The following ZNF382 variants were observed in gnomAD, a reference collection of about 807,000 sequenced individuals.
ZNF382 encodes zinc finger protein 382, also known as KRAB/zinc finger suppressor protein 1.
In ZNF382, 20 loss-of-function variants were observed where a neutral mutation model predicts 38.8. The observed-to-expected ratio is 0.51, with a 90% CI of 0.36 to 0.75. ZNF382 has a LOEUF of 0.75. Ranked by LOEUF, ZNF382 falls within the 30% of genes least tolerant of loss-of-function variation. ZNF382 has a pLI of 0.00. For synonymous variants in ZNF382, 202 were observed against 223.1 expected (o/e 0.91, Z 0.84); for missense variants, 546 against 654.1 (o/e 0.83, Z 1.80).
chr19:36,612,471 G>A, intron 4 of ZNF382, among the ~76,000 whole-genome samples: 1 of 152,192 alleles, frequency 6.6e-6, no homozygotes, highest in East Asian at 1.9e-4. Context: ...TAAACACGTA[G>A]CAGCGATATC....
chr19:36,624,825 C>T (rs1881288624), intron 4 of ZNF382, among the ~76,000 whole-genome samples: 1 of 151,520 alleles, frequency 6.6e-6, no homozygotes, highest in South Asian at 2.1e-4. Flanking sequence ...TGCCTATAAT[C>T]CCAGAACTTT....
chr19:36,611,030 G>A (rs1305981220), intron 4 of ZNF382, among the ~76,000 whole-genome samples: 6 of 152,234 alleles, frequency 3.9e-5, no homozygotes, highest in South Asian at 2.1e-4. Flanking sequence ...TGTAATCCCA[G>A]CACTTTGGGA....
intron 4 of ZNF382, among the ~76,000 whole-genome samples, chr19:36,620,772 T>A (rs1220272746): frequency 6.6e-6 from 1 of 152,074 alleles, no homozygotes; most frequent in African/African-American, 2.4e-5. Flanking sequence ...TTTTTTTTTT[T>A]AATTGAGATG....
At chr19:36,623,470 A>G (rs957749672) in intron 4 of ZNF382, among the ~76,000 whole-genome samples, 9 of 152,094 alleles carry the variant, frequency 5.9e-5, no homozygotes, top group African/African-American at 2.2e-4. Context: ...TTTCAGACAG[A>G]CGGGATACTG....
chr19:36,627,856 GTT>G lies in ZNF382; in HGVS notation c.*307_*308del, dbSNP rs1334273434. 7.9e-5 allele frequency: 21 copies of G among 265,592 alleles called. No homozygotes were observed. In the East Asian group the frequency reaches 1.6e-3, roughly 20 times the overall value. The allele number at this position is 265,592 out of a possible 1,614,324, so 16.5% of individuals were successfully genotyped here. On this transcript the variant is annotated 3_prime_UTR_variant, in exon 5 of 5. Coordinates refer to ENST00000292928, the MANE Select transcript of ZNF382 (RefSeq NM_032825.5). ...TTTCCATTTCCATACATATCTTTTTGTTCATCAGTAATAACTAGTTGGCCAAC... is the reference window on the plus strand; with the variant it reads ...TTTCCATTTCCATACATATCTTTTTGCATCAGTAATAACTAGTTGGCCAAC...
intron 4 of ZNF382, among the ~76,000 whole-genome samples, chr19:36,614,375 G>C (rs1417092740): frequency 6.6e-6 from 1 of 152,000 alleles, no homozygotes. Flanking sequence ...ACAACTTTTA[G>C]CTATTCTATG....
chr19:36,626,509 G>A lies in ZNF382; in HGVS notation c.612G>A (p.Lys204=), dbSNP rs2037214606. Residue 204 remains lysine, a synonymous_variant, in exon 5 of 5, where the codon AAG becomes AAA. Coordinates refer to ENST00000292928, the MANE Select transcript of ZNF382 (RefSeq NM_032825.5). The stretch of plus-strand genomic sequence containing the variant: ...AACAGGAGCTTATTCAGCATCAGAA[G>A]GTTCAAGCTCCAGAGCAACCATTTG... ...SGKQELIQHQ[K]VQAPEQPFDH... is the part of the protein sequence containing the mutation. 1.9e-6 allele frequency: 3 copies of A among 1,606,696 alleles called. No homozygotes were observed. Among genetic ancestry groups the A allele is most frequent in the Non-Finnish European group, 1.7e-6 (2 of 1,177,730 alleles).
chr19:36,615,648 A>G (rs2037120448), intron 4 of ZNF382, among the ~76,000 whole-genome samples: 1 of 152,222 alleles, frequency 6.6e-6, no homozygotes, highest in Non-Finnish European at 1.5e-5. Context: ...AGCACATACA[A>G]GTAAAAGGCA....
chr19:36,626,927 A>C lies in ZNF382; in HGVS notation c.1030A>C (p.Lys344Gln). 1 of 1,614,182 alleles carries C rather than the reference A, an allele frequency of 6.2e-7. No individual in the cohort carries two copies. Among genetic ancestry groups the C allele is most frequent in the South Asian group, 1.1e-5 (1 of 91,092 alleles). ...RQKTALTLHE[K>Q]THIEGKPFIC... Reference sequence around the variant, plus strand: ...GAAGACAGCCCTCACCCTTCATGAGAAAACACATATAGAGGGGAAACCCTT... The same window carrying C: ...GAAGACAGCCCTCACCCTTCATGAGCAAACACATATAGAGGGGAAACCCTT... Residue 344 changes from lysine (K) to glutamine (Q), a missense_variant, in exon 5 of 5, where the codon AAA (lysine) becomes CAA (glutamine). Coordinates refer to ENST00000292928, the MANE Select transcript of ZNF382 (RefSeq NM_032825.5).
intron 4 of ZNF382, among the ~76,000 whole-genome samples, chr19:36,613,106 A>C (rs1487610022): frequency 3.9e-5 from 6 of 151,968 alleles, no homozygotes; most frequent in Non-Finnish European, 8.8e-5. Context: ...CAAATGTTTT[A>C]TCCATCTTTT....
At chr19:36,607,433 C>T in intron 1 of ZNF382, 119 bp from the exon 2 acceptor site, 2 of 644,242 alleles carry the variant, frequency 3.1e-6, no homozygotes, top group Non-Finnish European at 2.7e-6. Context: ...CTGAAGGGTA[C>T]ACAGGGTGGA....
chr19:36,631,652 C>T lies in ZNF382; in HGVS notation c.*4102C>T, dbSNP rs561771521. ...CCACCCGCCTCGGCCTCTCAAAGTG[C>T]TGGGATTACAGGTGTGAGCCACCAT... On this transcript the variant is annotated 3_prime_UTR_variant, in exon 5 of 5. Transcript: ENST00000292928. The T allele has an allele frequency of 6.6e-6, 1 of 152,296 alleles. No individual in the cohort carries two copies. Among genetic ancestry groups the T allele is most frequent in the East Asian group, 1.9e-4 (1 of 5,156 alleles). The allele number at this position is 152,296 out of a possible 1,614,324, so 9.4% of individuals were successfully genotyped here.
rs75692593 is a variant in ZNF382 at position 36,618,139 on chromosome 19, TA to T, written c.232+7402del. Among the ~76,000 whole-genome samples the T allele has an allele frequency of 5.5e-3, 837 of 152,312 alleles. 23 individuals carry two copies. Among genetic ancestry groups the T allele is most frequent in the Admixed American group, 0.037 (567 of 15,294 alleles). On this transcript the variant is annotated intron_variant, in intron 4 of 4. Coordinates refer to ENST00000292928, the MANE Select transcript of ZNF382 (RefSeq NM_032825.5). ...TCTGCTTTAAAATTTTCAGTGCATT[TA>T]AAAATACCAGAAAGGGACTGCCCCA...
chr19:36,626,048 TCC>T, intron 4 of ZNF382, 80 bp from the exon 5 acceptor site: 1 of 979,822 alleles, frequency 1.0e-6, no homozygotes, highest in South Asian at 3.0e-5. Flanking sequence ...AGTGAGATAG[TCC>T]CACCATAGTT....
At chr19:36,619,977 C>T (rs1405221500) in intron 4 of ZNF382, among the ~76,000 whole-genome samples, 2 of 152,106 alleles carry the variant, frequency 1.3e-5, no homozygotes, top group East Asian at 1.9e-4. Context: ...GAGATCTGCC[C>T]GCCCCGGCCT....
Position 36,609,846 on chromosome 19 carries a change from C to G in ZNF382, c.-13-56C>G, listed in dbSNP as rs1171787872. 8.2e-6 allele frequency: 12 copies of G among 1,471,716 alleles called. No homozygotes were observed. The Admixed American group carries it at 2.0e-4, about 24-fold the overall frequency. 91.2% of individuals were successfully genotyped at this position (1,471,716 alleles called of 1,614,324 possible). A position where few individuals can be genotyped will look rare whatever the true frequency, so the allele number is the denominator to read the frequency against. On this transcript the variant is annotated intron_variant, in intron 2 of 4. Coordinates refer to ENST00000292928, the MANE Select transcript of ZNF382 (RefSeq NM_032825.5). ...TAAGGAAACTAGTCTGACCAGTAAA[C>G]ATTGTCAGTACTAGGTCTCCAATAT...
Position 36,632,001 on chromosome 19 carries a change from AAGG to A in ZNF382, c.*4453_*4455del, listed in dbSNP as rs1328640891. 6.6e-6 allele frequency: 1 copy of A among 152,278 alleles called. No individual in the cohort carries two copies. The highest frequency in any genetic ancestry group is 1.5e-5 in the Non-Finnish European group (1 of 68,112). 9.4% of individuals were successfully genotyped at this position (152,278 alleles called of 1,614,324 possible). A position where few individuals can be genotyped will look rare whatever the true frequency, so the allele number is the denominator to read the frequency against. ...CAGGAAATGTTTTTACTTAGAAGCAAAGGATGTGGCTCAGCAAAAGAAAGGGAA... is the reference window on the plus strand; with the variant it reads ...CAGGAAATGTTTTTACTTAGAAGCAAATGTGGCTCAGCAAAAGAAAGGGAA... On this transcript the variant is annotated 3_prime_UTR_variant, in exon 5 of 5. Coordinates refer to ENST00000292928, the MANE Select transcript of ZNF382 (RefSeq NM_032825.5).
rs1259075022 is a variant in ZNF382 at position 36,630,948 on chromosome 19, C to G, written c.*3398C>G. The G allele has an allele frequency of 6.6e-6, 1 of 151,906 alleles. No individual in the cohort carries two copies. The highest frequency in any genetic ancestry group is 6.6e-5 in the Admixed American group (1 of 15,232). 9.4% of individuals were successfully genotyped at this position (151,906 alleles called of 1,614,324 possible). On this transcript the variant is annotated 3_prime_UTR_variant, in exon 5 of 5. Transcript: ENST00000292928. ...TACAGGCAGGCGCCATTCCTCTCAG[C>G]TAATGTTTTTATTTTTTATACATAT...
intron 4 of ZNF382, among the ~76,000 whole-genome samples, chr19:36,620,795 A>G (rs900035141): frequency 2.8e-4 from 42 of 150,426 alleles, no homozygotes; most frequent in Admixed American, 6.0e-4. Context: ...GTCTCACTCT[A>G]TTGCTCAGGC....
Sources: allele counts gnomAD v4.1 joint callset (sites outside exome capture counted in the v4.1 genomes callset), GRCh38; gene constraint gnomAD v4.1.1; transcripts MANE v1.5; gene names NCBI Gene and HGNC (gene_info 2026-07-23, HGNC 2026-07-21).